Variants in EFCAB11 observed in about 807,000 individuals in gnomAD.
EFCAB11 encodes EF-hand calcium binding domain 11.
A neutral mutation model predicts 23.0 loss-of-function variants in EFCAB11; 14 were observed. The ratio of observed to expected loss-of-function variants is 0.61; its 90% CI spans 0.40 to 0.95. The LOEUF (loss-of-function observed/expected upper bound fraction) is 0.95, where lower values mean the gene tolerates loss of function less well. Ranked by LOEUF, EFCAB11 falls within the 40% of genes least tolerant of loss-of-function variation. The pLI is 0.00. For missense variants in EFCAB11, 198 were observed against 195.8 expected, an observed-to-expected ratio of 1.01 and a Z score of -0.07; for synonymous variants, 65 against 66.6, an observed-to-expected ratio of 0.98 and a Z score of 0.11.
At chr14:89,953,883 C>A in intron 2 of EFCAB11, 23 bp downstream of exon 2, 1 of 1,601,420 alleles carries the variant, frequency 6.2e-7, no homozygotes, top group East Asian at 2.2e-5. Context: ...TACCCCATCC[C>A]CAAATATATA....
chr14:89,924,729 G>A, intron 5 of EFCAB11: 1 of 1,528,312 alleles, frequency 6.5e-7, no homozygotes, highest in East Asian at 2.5e-5. Context: ...AAAATCACAT[G>A]TAGACAGAGG....
At chr14:89,806,624 C>T (rs17126333) in intron 5 of EFCAB11, among the ~76,000 whole-genome samples, 28,692 of 152,070 alleles carry the variant, frequency 0.19, 2,927 homozygotes, top group East Asian at 0.38. Flanking sequence ...TATGCAACTA[C>T]CACAGGCCCA....
At chr14:89,891,904 A>G (rs1888980163) in intron 5 of EFCAB11, among the ~76,000 whole-genome samples, 1 of 152,000 alleles carries the variant, frequency 6.6e-6, no homozygotes, top group Non-Finnish European at 1.5e-5. Flanking sequence ...CTGGCGCCCC[A>G]CAGCCCAAGC....
intron 5 of EFCAB11, among the ~76,000 whole-genome samples, chr14:89,918,044 G>A (rs1190445347): frequency 2.0e-5 from 3 of 152,132 alleles, no homozygotes; most frequent in African/African-American, 7.2e-5. Flanking sequence ...AAAGGACAGG[G>A]GACAACTGGA....
rs567175265 is a variant in EFCAB11, at chr14:89,808,370, G to T, written c.411-11046C>A. ...CAGTAAGTGAGTAATTTACTGTATA[G>T]ATCTTGGTTATAGAAAAATTACTTT... On this transcript the variant is annotated intron_variant, in intron 5 of 5. Transcript: ENST00000316738. Among the ~76,000 whole-genome samples the T allele has an allele frequency of 8.5e-5, 13 of 152,280 alleles. No homozygotes were observed. The East Asian group carries it at 2.3e-3, about 27-fold the overall frequency.
At chr14:89,838,926 A>G (rs1159666993) in intron 5 of EFCAB11, among the ~76,000 whole-genome samples, 2 of 152,222 alleles carry the variant, frequency 1.3e-5, no homozygotes, top group Admixed American at 6.5e-5. Flanking sequence ...AGATAAATTC[A>G]CTAGAATTGA....
At chr14:89,799,267 G>A (rs1885686887) in intron 5 of EFCAB11, 1 of 152,156 alleles carries the variant, frequency 6.6e-6, no homozygotes, top group Non-Finnish European at 1.5e-5. Context: ...TATTTCAAAT[G>A]AGACATGCTG....
rs1228066047 is a variant in EFCAB11, at chr14:89,923,763, G to A, written c.410+7778C>T. 7.1e-6 allele frequency: 7 copies of A among 985,266 alleles called. No homozygotes were observed. The African/African-American group carries it at 1.2e-4, about 17-fold the overall frequency. 61.0% of individuals were successfully genotyped at this position (985,266 alleles called of 1,614,324 possible). A position where few individuals can be genotyped will look rare whatever the true frequency, so the allele number is the denominator to read the frequency against. ...GCATGATCATACACAGAATCATTCT[G>A]AAGCACAAAATAATGACTGGAAATT... On this transcript the variant is annotated intron_variant, in intron 5 of 5. Transcript: ENST00000316738.
At chr14:89,869,199 T>C (rs1888191556) in intron 5 of EFCAB11, among the ~76,000 whole-genome samples, 1 of 152,134 alleles carries the variant, frequency 6.6e-6, no homozygotes, top group Admixed American at 6.5e-5. Context: ...AGACCCTGTC[T>C]CAAAAAAGAA....
At position 89,900,047 on chromosome 14, in the gene EFCAB11, C is replaced by T. The variant is rs898858769; in HGVS notation, c.410+31494G>A. On this transcript the variant is annotated intron_variant, in intron 5 of 5. Transcript: ENST00000316738. ...AGCTGAAATTTCTATCTATTACTCTCTTGCACTTGGAGTCGAATTTTCAAT... is the reference window on the plus strand; with the variant it reads ...AGCTGAAATTTCTATCTATTACTCTTTTGCACTTGGAGTCGAATTTTCAAT... Among the ~76,000 whole-genome samples the T allele has an allele frequency of 3.9e-5, 6 of 152,150 alleles. 1 individual carries two copies. The highest frequency in any genetic ancestry group is 3.3e-4 in the Admixed American group (5 of 15,268).
chr14:89,924,085 C>T, intron 5 of EFCAB11: 1 of 985,558 alleles, frequency 1.0e-6, no homozygotes. Flanking sequence ...GAATATCCAT[C>T]ACTCCCTTTT....
chr14:89,924,767 T>A, intron 5 of EFCAB11: 1 of 1,424,776 alleles, frequency 7.0e-7, no homozygotes, highest in East Asian at 2.5e-5. Context: ...CACATGTGGC[T>A]ATGAAGCTCC....
chr14:89,891,622 G>A (rs1455223721), intron 5 of EFCAB11, among the ~76,000 whole-genome samples: 2 of 152,046 alleles, frequency 1.3e-5, no homozygotes, highest in Non-Finnish European at 2.9e-5. Context: ...CACTGTATGA[G>A]GCCAGTATAA....
At chr14:89,853,084 C>T (rs1012671953) in intron 5 of EFCAB11, among the ~76,000 whole-genome samples, 3 of 152,206 alleles carry the variant, frequency 2.0e-5, no homozygotes, top group Admixed American at 1.3e-4. Flanking sequence ...CTTTTACATT[C>T]CATCTGTTTG....
At chr14:89,864,295 T>C (rs921861733) in intron 5 of EFCAB11, among the ~76,000 whole-genome samples, 1 of 152,244 alleles carries the variant, frequency 6.6e-6, no homozygotes, top group South Asian at 2.1e-4. Flanking sequence ...GCAAGGCTAG[T>C]ACAGGAAGCA....
At chr14:89,879,252 C>T (rs959318189) in intron 5 of EFCAB11, among the ~76,000 whole-genome samples, 1 of 152,010 alleles carries the variant, frequency 6.6e-6, no homozygotes. Context: ...TAGAAAGACA[C>T]CTTTTATGAA....
intron 5 of EFCAB11, among the ~76,000 whole-genome samples, chr14:89,813,380 A>C (rs1886214997): frequency 6.6e-6 from 1 of 152,234 alleles, no homozygotes; most frequent in Non-Finnish European, 1.5e-5. Flanking sequence ...TTTATAAAGG[A>C]AAATGGCAAA....
chr14:89,837,063 C>G (rs1400234298), intron 5 of EFCAB11: 1 of 456,624 alleles, frequency 2.2e-6, no homozygotes, highest in African/African-American at 2.0e-5. Context: ...ATGATGGAGT[C>G]AGCTGCTAAG....
chr14:89,825,517 G>A (rs1030717724), intron 5 of EFCAB11, among the ~76,000 whole-genome samples: 1 of 151,722 alleles, frequency 6.6e-6, no homozygotes, highest in African/African-American at 2.4e-5. Flanking sequence ...AAATCATAGA[G>A]AAAATAAACG....
Sources: gnomAD v4.1 joint callset for allele counts (sites outside exome capture counted in the v4.1 genomes callset) on GRCh38, gnomAD v4.1.1 for gene constraint, MANE v1.5 for transcripts, NCBI Gene and HGNC (gene_info 2026-07-23, HGNC 2026-07-21) for gene names.